CSNK2A2IP: variants seen among roughly 807,000 people sequenced by gnomAD.
CSNK2A2IP encodes casein kinase II subunit alpha'-interacting protein.
chr3:88,432,646 A>G, the CSNK2A2IP span, among the ~76,000 whole-genome samples: 3 of 151,596 alleles, frequency 2.0e-5, no homozygotes, highest in Non-Finnish European at 4.4e-5. Flanking sequence ...TAGCTATAAA[A>G]ACAATTGAAT....
the CSNK2A2IP span, among the ~76,000 whole-genome samples, chr3:88,394,047 G>T: frequency 6.6e-6 from 1 of 152,118 alleles, no homozygotes; most frequent in African/African-American, 2.4e-5. Flanking sequence ...AGAAATGTGA[G>T]GGATATGGTG....
chr3:88,376,346 C>T, the CSNK2A2IP span, among the ~76,000 whole-genome samples: 2 of 151,642 alleles, frequency 1.3e-5, no homozygotes, highest in African/African-American at 2.4e-5. Context: ...ATTGTAGGCA[C>T]TCAGCAAATA....
the CSNK2A2IP span, among the ~76,000 whole-genome samples, chr3:88,453,980 A>T: frequency 8.5e-5 from 13 of 152,058 alleles, no homozygotes; most frequent in African/African-American, 3.1e-4. Context: ...TATGTGGTAC[A>T]TGTATATTTA....
chr3:88,374,994 G>T, the CSNK2A2IP span, among the ~76,000 whole-genome samples: 1 of 151,650 alleles, frequency 6.6e-6, no homozygotes, highest in South Asian at 2.1e-4. Context: ...TCATAGAGTA[G>T]CCTCCACAAC....
chr3:88,382,889 T>A, the CSNK2A2IP span: 3 of 152,214 alleles, frequency 2.0e-5, no homozygotes, highest in Non-Finnish European at 2.9e-5. Flanking sequence ...GGGTAGATTA[T>A]TATTTAGCTC....
the CSNK2A2IP span, among the ~76,000 whole-genome samples, chr3:88,367,668 C>T: frequency 6.6e-6 from 1 of 152,044 alleles, no homozygotes; most frequent in East Asian, 1.9e-4. Context: ...TTAATGCAAG[C>T]CGTTCACACC....
the CSNK2A2IP span, among the ~76,000 whole-genome samples, chr3:88,428,169 A>C: frequency 4.2e-4 from 64 of 152,154 alleles, no homozygotes; most frequent in Non-Finnish European, 7.9e-4. Context: ...GCCCCGCTGG[A>C]TTTTAAACTT....
At chr3:88,415,087 C>T in the CSNK2A2IP span, among the ~76,000 whole-genome samples, 2 of 151,616 alleles carry the variant, frequency 1.3e-5, no homozygotes, top group Non-Finnish European at 1.5e-5. Flanking sequence ...AGCCACATAG[C>T]AAAACAGTAA....
the CSNK2A2IP span, among the ~76,000 whole-genome samples, chr3:88,372,458 C>A: frequency 1.3e-5 from 2 of 151,022 alleles, no homozygotes; most frequent in Admixed American, 6.6e-5. Flanking sequence ...GTGTTAATAT[C>A]CTAGAGCAAT....
At chr3:88,369,465 A>G in the CSNK2A2IP span, among the ~76,000 whole-genome samples, 2 of 151,978 alleles carry the variant, frequency 1.3e-5, no homozygotes, top group Admixed American at 6.6e-5. Flanking sequence ...TTTATTACTG[A>G]AAGACTGCTA....
At chr3:88,463,535 A>G in the CSNK2A2IP span, among the ~76,000 whole-genome samples, 1 of 152,288 alleles carries the variant, frequency 6.6e-6, no homozygotes, top group African/African-American at 2.4e-5. Context: ...TATGCAGCCA[A>G]AAAACACATG....
chr3:88,449,818 G>GACACAC, the CSNK2A2IP span, among the ~76,000 whole-genome samples: 5 of 61,784 alleles, frequency 8.1e-5, no homozygotes, highest in African/African-American at 3.8e-4. Context: ...TTTTTATATC[G>GACACAC]AGACACACAC....
chr3:88,415,449 G>A, the CSNK2A2IP span, among the ~76,000 whole-genome samples: 1 of 151,948 alleles, frequency 6.6e-6, no homozygotes, highest in South Asian at 2.1e-4. Context: ...GAATCAGATA[G>A]GCTTAGGTAG....
chr3:88,388,390 T>C, the CSNK2A2IP span, among the ~76,000 whole-genome samples: 5 of 152,226 alleles, frequency 3.3e-5, no homozygotes, highest in Non-Finnish European at 7.3e-5. Context: ...TATTATTCAA[T>C]TTGATCAAGC....
At chr3:88,440,737 T>C in the CSNK2A2IP span, among the ~76,000 whole-genome samples, 1 of 152,134 alleles carries the variant, frequency 6.6e-6, no homozygotes, top group Non-Finnish European at 1.5e-5. Flanking sequence ...GTGTGGTCTG[T>C]TTACATCCTT....
At chr3:88,429,697 CT>C in the CSNK2A2IP span, among the ~76,000 whole-genome samples, 1 of 152,060 alleles carries the variant, frequency 6.6e-6, no homozygotes. Context: ...CCTTGGTATT[CT>C]TCTAAATTGA....
At chr3:88,465,114 A>G in the CSNK2A2IP span, 8 of 340,932 alleles carry the variant, frequency 2.3e-5, no homozygotes, top group East Asian at 2.7e-4. Context: ...AGAAAAAAGT[A>G]TAGGAAACTA....
At chr3:88,366,867 C>T in the CSNK2A2IP span, among the ~76,000 whole-genome samples, 3 of 152,094 alleles carry the variant, frequency 2.0e-5, no homozygotes, top group Non-Finnish European at 4.4e-5. Context: ...GGAGGCCTCA[C>T]AATCATGGCT....
chr3:88,349,010 C>T, the CSNK2A2IP span, among the ~76,000 whole-genome samples: 1 of 151,964 alleles, frequency 6.6e-6, no homozygotes, highest in Non-Finnish European at 1.5e-5. Flanking sequence ...CCACCCTAAT[C>T]CAGGCTCTAT....
Sources: gnomAD v4.1 joint callset for allele counts (sites outside exome capture counted in the v4.1 genomes callset) on GRCh38, gnomAD v4.1.1 for gene constraint, MANE v1.5 for transcripts, NCBI Gene and HGNC (gene_info 2026-07-23, HGNC 2026-07-21) for gene names.